The following ETV1 variants were observed in gnomAD, a reference collection of about 807,000 sequenced individuals.
The protein encoded by ETV1 is ETS variant transcription factor 1.
Under a neutral mutation model 62.3 loss-of-function variants are expected in ETV1, and 27 were observed. The ratio of observed to expected loss-of-function variants is 0.43; its 90% CI spans 0.32 to 0.60. The LOEUF is 0.60. Among genes scored for constraint, ETV1 ranks in the 20% least tolerant of loss-of-function variants. The pLI, the probability that ETV1 is intolerant of heterozygous loss-of-function variation, is 0.06. For synonymous variants in ETV1, 222 were observed against 199.6 expected (o/e 1.11, Z -0.94); for missense variants, 605 against 605.8 (o/e 1.00, Z 0.01).
chr7:13,942,281 C>T (rs1459120117), intron 6 of ETV1, among the ~76,000 whole-genome samples: 2 of 152,074 alleles, frequency 1.3e-5, no homozygotes, highest in African/African-American at 4.8e-5. Flanking sequence ...CCTCGGCCTC[C>T]CAAAATGCTG....
intron 9 of ETV1, among the ~76,000 whole-genome samples, chr7:13,926,446 CATTCTG>C (rs1237089271): frequency 6.6e-6 from 1 of 152,166 alleles, no homozygotes; most frequent in Non-Finnish European, 1.5e-5. Context: ...CGTCACTGGA[CATTCTG>C]AATTTGCAAA....
At chr7:13,988,049 T>C (rs1562725999) in intron 4 of ETV1, 37 bp downstream of exon 4, 1 of 1,231,206 alleles carries the variant, frequency 8.1e-7, no homozygotes, top group Non-Finnish European at 1.2e-6. Context: ...AGAGTGTAGG[T>C]AAAAAAATGG....
intron 6 of ETV1, among the ~76,000 whole-genome samples, chr7:13,968,197 C>A (rs1780504377): frequency 6.6e-6 from 1 of 151,974 alleles, no homozygotes; most frequent in South Asian, 2.1e-4. Context: ...GACATAACTT[C>A]CTTTGAGCAC....
intron 6 of ETV1, among the ~76,000 whole-genome samples, chr7:13,973,640 T>C (rs537606039): frequency 6.7e-6 from 1 of 149,968 alleles, no homozygotes; most frequent in African/African-American, 2.5e-5. Flanking sequence ...AACATATCCT[T>C]CCACTTTTTT....
At chr7:13,986,280 G>T (rs1422136902) in intron 5 of ETV1, 2 of 1,510,166 alleles carry the variant, frequency 1.3e-6, no homozygotes, top group Admixed American at 2.6e-5. Context: ...CAGCAAGCCA[G>T]CCGGGTTCTG....
At chr7:13,970,313 CACACACACACACAA>C (rs1396049330) in intron 6 of ETV1, among the ~76,000 whole-genome samples, 17 of 101,914 alleles carry the variant, frequency 1.7e-4, no homozygotes, top group South Asian at 2.9e-4. Context: ...CACACACACA[CACACACACACACAA>C]AGCAGCAACT....
chr7:13,939,424 G>A (rs1787219593), intron 6 of ETV1, among the ~76,000 whole-genome samples, 178 bp from the exon 7 acceptor site: 1 of 152,098 alleles, frequency 6.6e-6, no homozygotes, highest in South Asian at 2.1e-4. Flanking sequence ...CTTCATATAC[G>A]CCTTTTCTGC....
intron 7 of ETV1, 60 bp from the exon 8 acceptor site, chr7:13,935,956 G>T (rs907501067): frequency 7.5e-7 from 1 of 1,339,222 alleles, no homozygotes; most frequent in Non-Finnish European, 1.0e-6. Context: ...TTTTAAAAAA[G>T]TTTCTAATCC....
chr7:13,916,662 C>T (rs1397099875), intron 9 of ETV1, among the ~76,000 whole-genome samples: 1 of 151,964 alleles, frequency 6.6e-6, no homozygotes. Flanking sequence ...TGCACAGTAG[C>T]TCATGCATGT....
chr7:13,952,556 G>C (rs1788950900), intron 6 of ETV1, among the ~76,000 whole-genome samples: 1 of 152,122 alleles, frequency 6.6e-6, no homozygotes, highest in African/African-American at 2.4e-5. Context: ...TAAGAAGGGA[G>C]GGAGGGTACA....
At chr7:13,921,560 C>A (rs1426390754) in intron 9 of ETV1, among the ~76,000 whole-genome samples, 1 of 152,136 alleles carries the variant, frequency 6.6e-6, no homozygotes, top group African/African-American at 2.4e-5. Context: ...CTCTAAACCA[C>A]TGATCAACAG....
In ETV1 at chr7:13,892,910, G is replaced by T. The variant is rs1781475703; in HGVS notation, c.*2956C>A. 4.3e-6 allele frequency: 1 copy of T among 231,784 alleles called. No individual in the cohort carries two copies. The highest frequency in any genetic ancestry group is 8.5e-6 in the Non-Finnish European group (1 of 117,296). The allele number at this position is 231,784 out of a possible 1,614,324, so 14.4% of individuals were successfully genotyped here. ...CTCTTAAGGCTTCTTTTGAACTTCTGCCTCCAGAACTATAAGATAAATTTG... is the reference window on the plus strand; with the variant it reads ...CTCTTAAGGCTTCTTTTGAACTTCTTCCTCCAGAACTATAAGATAAATTTG... On this transcript the variant is annotated 3_prime_UTR_variant, in exon 14 of 14. Transcript: ENST00000430479.
intron 13 of ETV1, among the ~76,000 whole-genome samples, chr7:13,896,778 A>AAGAAAG (rs1781880273): frequency 2.0e-5 from 3 of 151,746 alleles, no homozygotes; most frequent in African/African-American, 4.8e-5. Context: ...GAAAGAAAGA[A>AAGAAAG]AGAAAGAAAG....
rs17167668 is a variant in ETV1 at position 13,931,822 on chromosome 7, C to T, written c.555-73G>A. The T allele has an allele frequency of 6.9e-3, 10,796 of 1,560,194 alleles. 284 individuals carry two copies. In the African/African-American group the frequency reaches 0.085, roughly 12 times the overall value. The stretch of plus-strand genomic sequence containing the variant: ...TTCTTTAAAATACGGATACGGTTTT[C>T]CATTTCTTAGTGAACGAACATGATA... On this transcript the variant is annotated intron_variant, in intron 8 of 13. Coordinates refer to ENST00000430479, the MANE Select transcript of ETV1 (RefSeq NM_004956.5).
intron 6 of ETV1, among the ~76,000 whole-genome samples, chr7:13,941,821 G>A (rs1328064775): frequency 6.6e-6 from 1 of 151,780 alleles, no homozygotes; most frequent in Non-Finnish European, 1.5e-5. Flanking sequence ...CGAGATCGCG[G>A]CAGTGCACTC....
At chr7:13,985,154 G>A (rs987498064) in intron 5 of ETV1, among the ~76,000 whole-genome samples, 1 of 151,954 alleles carries the variant, frequency 6.6e-6, no homozygotes, top group African/African-American at 2.4e-5. Context: ...CTCTCATAAA[G>A]GTAATGTTCT....
chr7:13,957,914 C>T (rs147688409), intron 6 of ETV1, among the ~76,000 whole-genome samples: 16 of 152,230 alleles, frequency 1.1e-4, no homozygotes, highest in Non-Finnish European at 2.2e-4. Flanking sequence ...TGATCACAAC[C>T]GTGATAGGCC....
intron 6 of ETV1, among the ~76,000 whole-genome samples, chr7:13,942,284 A>G (rs1787644524): frequency 6.6e-6 from 1 of 152,080 alleles, no homozygotes. Context: ...CGGCCTCCCA[A>G]AATGCTGGCA....
At chr7:13,932,024 A>G (rs1037518584) in intron 8 of ETV1, among the ~76,000 whole-genome samples, 2 of 146,004 alleles carry the variant, frequency 1.4e-5, no homozygotes, top group Non-Finnish European at 3.0e-5. Context: ...GCAATGAAAA[A>G]CTTTGAGGAT....
Sources: allele counts gnomAD v4.1 joint callset (sites outside exome capture counted in the v4.1 genomes callset), GRCh38; gene constraint gnomAD v4.1.1; transcripts MANE v1.5; gene names NCBI Gene and HGNC (gene_info 2026-07-23, HGNC 2026-07-21).